Variants in PIP5K1B observed in about 807,000 individuals in gnomAD.
PIP5K1B encodes phosphatidylinositol 4-phosphate 5-kinase type-1 beta.
Under a neutral mutation model 67.0 loss-of-function variants are expected in PIP5K1B, and 42 were observed. That is an observed-to-expected ratio of 0.63 (90% confidence interval 0.49 to 0.81). The LOEUF (loss-of-function observed/expected upper bound fraction) is 0.81. Among genes scored for constraint, PIP5K1B ranks in the 30% least tolerant of loss-of-function variants. The pLI, the probability that PIP5K1B is intolerant of heterozygous loss-of-function variation, is 0.00. For synonymous variants in PIP5K1B, 214 were observed against 231.4 expected, an observed-to-expected ratio of 0.92 and a Z score of 0.68; for missense variants, 459 against 646.3, an observed-to-expected ratio of 0.71 and a Z score of 3.14.
At chr9:68,755,163 A>G (rs996930079) in intron 2 of PIP5K1B, among the ~76,000 whole-genome samples, 22 of 152,244 alleles carry the variant, frequency 1.4e-4, no homozygotes, top group African/African-American at 4.1e-4. Flanking sequence ...AAGACCTTAG[A>G]TGTACAGTGT....
chr9:68,829,694 G>A (rs1436239096), intron 4 of PIP5K1B, among the ~76,000 whole-genome samples: 1 of 152,182 alleles, frequency 6.6e-6, no homozygotes, highest in African/African-American at 2.4e-5. Flanking sequence ...GTTGATAACT[G>A]TAGGCATTTT....
chr9:68,738,174 G>A lies in PIP5K1B; in HGVS notation c.-242-4327G>A, dbSNP rs948021828. On this transcript the variant is annotated intron_variant, in intron 1 of 15. Coordinates refer to ENST00000265382, the MANE Select transcript of PIP5K1B (RefSeq NM_003558.4). Reference sequence around the variant, plus strand: ...AATTCATATGTATGTGGCTGATGATGTAAACCTATAGAATAAATCTTCATA... The same window carrying A: ...AATTCATATGTATGTGGCTGATGATATAAACCTATAGAATAAATCTTCATA... Among the ~76,000 whole-genome samples, 15 of 152,300 alleles carry A rather than the reference G, an allele frequency of 9.8e-5. No individual in the cohort carries two copies. In the South Asian group the frequency reaches 2.7e-3, roughly 27 times the overall value.
intron 14 of PIP5K1B, among the ~76,000 whole-genome samples, chr9:68,958,756 G>A (rs1057413924): frequency 2.0e-5 from 3 of 152,178 alleles, no homozygotes; most frequent in African/African-American, 4.8e-5. Context: ...TAATGCAAAC[G>A]TCTCACACCA....
chr9:68,802,639 A>G (rs949999991), intron 2 of PIP5K1B, among the ~76,000 whole-genome samples: 7 of 152,186 alleles, frequency 4.6e-5, no homozygotes, highest in African/African-American at 1.7e-4. Context: ...CATACGAGGA[A>G]GTCATGCCTG....
chr9:68,715,819 G>C (rs1341366397), intron 1 of PIP5K1B, among the ~76,000 whole-genome samples: 1 of 152,204 alleles, frequency 6.6e-6, no homozygotes, highest in Non-Finnish European at 1.5e-5. Context: ...CCATGAACTT[G>C]ATCTTCAACT....
intron 14 of PIP5K1B, among the ~76,000 whole-genome samples, chr9:68,957,124 C>G (rs1036578646): frequency 4.6e-5 from 7 of 152,124 alleles, no homozygotes; most frequent in Admixed American, 4.6e-4. Flanking sequence ...CCATGCTTCA[C>G]TCTGGTTTTT....
chr9:69,003,683 T>C (rs1422385014), intron 15 of PIP5K1B, among the ~76,000 whole-genome samples: 2 of 152,026 alleles, frequency 1.3e-5, no homozygotes, highest in African/African-American at 4.8e-5. Context: ...GGGGCAAGGG[T>C]GTCAAGGGAA....
chr9:68,824,356 GA>G lies in PIP5K1B; in HGVS notation c.69+1675del, dbSNP rs1324262164. The G allele has an allele frequency of 2.8e-5, 13 of 461,874 alleles. No homozygotes were observed. In the East Asian group the frequency reaches 7.5e-4, roughly 27 times the overall value. The allele number at this position is 461,874 out of a possible 1,614,324, so 28.6% of individuals were successfully genotyped here. On this transcript the variant is annotated intron_variant, in intron 4 of 15. Transcript: ENST00000265382. ...AGTTTGCTAAGTGTACCCTGCCCAA[GA>G]ATTTATTTAGTCAAGCAGGTTTTCA...
chr9:68,997,078 A>G (rs1830629998), intron 15 of PIP5K1B, among the ~76,000 whole-genome samples: 2 of 152,210 alleles, frequency 1.3e-5, no homozygotes, highest in South Asian at 4.1e-4. Context: ...CAGCTGTTGG[A>G]CGGCTTGATT....
chr9:68,826,523 T>C (rs1833992615), intron 4 of PIP5K1B, among the ~76,000 whole-genome samples: 1 of 152,226 alleles, frequency 6.6e-6, no homozygotes, highest in South Asian at 2.1e-4. Flanking sequence ...ACAGTTTGCC[T>C]GCAGGCCCTA....
intron 14 of PIP5K1B, among the ~76,000 whole-genome samples, chr9:68,944,661 C>G (rs1827715992): frequency 6.6e-6 from 1 of 152,162 alleles, no homozygotes; most frequent in Admixed American, 6.5e-5. Flanking sequence ...ATGATGAGTC[C>G]AACATTCTAG....
chr9:68,857,580 C>T (rs1359471241), intron 4 of PIP5K1B, among the ~76,000 whole-genome samples: 1 of 152,128 alleles, frequency 6.6e-6, no homozygotes, highest in Non-Finnish European at 1.5e-5. Context: ...AATGAAGGAA[C>T]GTGGACCAGG....
intron 4 of PIP5K1B, among the ~76,000 whole-genome samples, chr9:68,861,761 G>A (rs2132253603): frequency 6.6e-6 from 1 of 152,222 alleles, no homozygotes; most frequent in South Asian, 2.1e-4. Context: ...TTTATGCAAG[G>A]TTAAAATGAA....
At chr9:68,886,632 G>A (rs2132367615) in intron 6 of PIP5K1B, among the ~76,000 whole-genome samples, 1 of 152,320 alleles carries the variant, frequency 6.6e-6, no homozygotes, top group African/African-American at 2.4e-5. Flanking sequence ...GGGCCAGGAA[G>A]CAATTGATCT....
intron 1 of PIP5K1B, among the ~76,000 whole-genome samples, chr9:68,735,016 T>C (rs1828654116): frequency 6.6e-6 from 1 of 152,216 alleles, no homozygotes; most frequent in South Asian, 2.1e-4. Context: ...ACAAATAAAT[T>C]GCTATATTGG....
chr9:68,796,660 G>A (rs929846643), intron 2 of PIP5K1B, among the ~76,000 whole-genome samples: 3 of 152,160 alleles, frequency 2.0e-5, no homozygotes, highest in Non-Finnish European at 2.9e-5. Flanking sequence ...AGAGCAACCC[G>A]TAATTCATGG....
chr9:68,763,465 C>T (rs945504462), intron 2 of PIP5K1B, among the ~76,000 whole-genome samples: 2 of 152,002 alleles, frequency 1.3e-5, no homozygotes, highest in South Asian at 2.1e-4. Flanking sequence ...AAGCACTCAA[C>T]GAATGTCAGC....
chr9:68,816,707 T>C (rs1350707150), intron 2 of PIP5K1B, among the ~76,000 whole-genome samples: 2 of 152,134 alleles, frequency 1.3e-5, no homozygotes, highest in Non-Finnish European at 2.9e-5. Flanking sequence ...AGTAAATGAT[T>C]TGGGGGCAAT....
chr9:68,853,524 A>G (rs911793874), intron 4 of PIP5K1B, among the ~76,000 whole-genome samples: 6 of 152,212 alleles, frequency 3.9e-5, no homozygotes, highest in African/African-American at 1.4e-4. Context: ...TGGAGGATGC[A>G]ATAGACTATA....
Sources: gnomAD v4.1 joint callset for allele counts (sites outside exome capture counted in the v4.1 genomes callset) on GRCh38, gnomAD v4.1.1 for gene constraint, MANE v1.5 for transcripts, NCBI Gene and HGNC (gene_info 2026-07-23, HGNC 2026-07-21) for gene names.